The following QRICH2 variants were observed in gnomAD, a reference collection of about 807,000 sequenced individuals.
QRICH2 encodes glutamine rich 2, also known as glutamine-rich protein 2.
A neutral mutation model predicts 168.3 loss-of-function variants in QRICH2; 119 were observed. That is an observed-to-expected ratio of 0.71 (90% CI 0.61 to 0.82). The LOEUF (loss-of-function observed/expected upper bound fraction) is 0.82, where lower values mean the gene tolerates loss of function less well. Among genes scored for constraint, QRICH2 ranks in the 40% least tolerant of loss-of-function variants. The pLI is 0.00. For missense variants in QRICH2, 2,241 were observed against 2,491.6 expected (o/e 0.90, Z 2.14); for synonymous variants, 894 against 951.2 (o/e 0.94, Z 1.11).
rs751669127 is a variant in QRICH2, at chr17:76,279,013, ATGTCCCATATGC to A, written c.4916+16_4916+27del. The stretch of plus-strand genomic sequence containing the variant: ...TCCAGAGCCCTGGCCCCGGACCCAT[ATGTCCCATATGC>A]TGTCCCATAGCATACTTGCGGCTAT... On this transcript the variant is annotated intron_variant, in intron 14 of 18. Coordinates refer to ENST00000680821, the MANE Select transcript of QRICH2 (RefSeq NM_001388453.1). 23 of 1,583,334 alleles carry A rather than the reference ATGTCCCATATGC, an allele frequency of 1.5e-5. No individual in the cohort carries two copies. The highest frequency in any genetic ancestry group is 2.2e-5 in the East Asian group (1 of 44,640).
At chr17:76,283,496 GCTC>G (rs1367094650) in intron 7 of QRICH2, among the ~76,000 whole-genome samples, 5 of 152,204 alleles carry the variant, frequency 3.3e-5, no homozygotes, top group Admixed American at 1.3e-4. Flanking sequence ...GCTCCCAGCT[GCTC>G]CTCAGGCAGG....
intron 1 of QRICH2, among the ~76,000 whole-genome samples, chr17:76,306,179 A>AAC (rs1204803375): frequency 1.3e-5 from 2 of 151,172 alleles, no homozygotes; most frequent in Admixed American, 1.3e-4. Flanking sequence ...AAAAAAAAAA[A>AAC]AAAAAAAAAA....
At chr17:76,278,807 G>A (rs2070735173) in intron 14 of QRICH2, among the ~76,000 whole-genome samples, 1 of 152,260 alleles carries the variant, frequency 6.6e-6, no homozygotes, top group African/African-American at 2.4e-5. Flanking sequence ...AAAAGCAGGT[G>A]TGACTAGGTC....
chr17:76,282,811 A>G (rs1346527472), intron 7 of QRICH2, among the ~76,000 whole-genome samples: 1 of 152,218 alleles, frequency 6.6e-6, no homozygotes, highest in Non-Finnish European at 1.5e-5. Flanking sequence ...TGCTTGGCTC[A>G]AAAAGAGAGG....
chr17:76,310,754 G>C (rs889205894), upstream of QRICH2: 1 of 150,774 alleles, frequency 6.6e-6, no homozygotes, highest in Admixed American at 6.6e-5. Flanking sequence ...ATAGGTGTGA[G>C]CCACCACACC....
intron 5 of QRICH2, 63 bp from the exon 6 acceptor site, chr17:76,287,960 T>C (rs903995241): frequency 1.5e-6 from 2 of 1,317,176 alleles, no homozygotes; most frequent in Admixed American, 1.7e-5. Context: ...AAGTGTGCCC[T>C]TGCATGCAGC....
chr17:76,302,372 C>T (rs933253513), intron 3 of QRICH2, among the ~76,000 whole-genome samples: 8 of 133,162 alleles, frequency 6.0e-5, no homozygotes, highest in African/African-American at 2.2e-4. Context: ...TCTGAAAAAC[C>T]ATTATTTTGG....
intron 7 of QRICH2, among the ~76,000 whole-genome samples, chr17:76,285,960 C>A (rs1014740246): frequency 1.3e-5 from 2 of 152,094 alleles, no homozygotes; most frequent in African/African-American, 4.8e-5. Flanking sequence ...ATCACAAGGT[C>A]AGGAGATTGA....
intron 3 of QRICH2, among the ~76,000 whole-genome samples, chr17:76,303,427 G>A (rs1264354808): frequency 6.6e-6 from 1 of 152,176 alleles, no homozygotes; most frequent in Non-Finnish European, 1.5e-5. Flanking sequence ...GGGATGTCAA[G>A]ACCAAAAGGG....
chr17:76,276,884 G>T, intron 16 of QRICH2, 117 bp from the exon 17 acceptor site: 1 of 826,130 alleles, frequency 1.2e-6, no homozygotes, highest in Non-Finnish European at 1.9e-6. Flanking sequence ...GGGGGCTCTG[G>T]GAGGCACTAG....
chr17:76,291,373 A>C lies in QRICH2; in HGVS notation c.3354T>G (p.Tyr1118Ter). ...SMYPGYRGPG[Y>*]LSADQHGQEG... ...CCTGGCCATGCTGATCAGCACTTAG[A>C]TACCCTGGGCCACGATAACCAGGAT... The change falls in exon 4 of 19, where the codon TAT (tyrosine) becomes TAG (stop). Residue 1118 changes from tyrosine (Y) to a stop codon, truncating the protein, a stop_gained. Coordinates refer to ENST00000680821, the MANE Select transcript of QRICH2 (RefSeq NM_001388453.1). LOFTEE classifies it high-confidence loss of function. 1 of 1,614,070 alleles carries C rather than the reference A, an allele frequency of 6.2e-7. No homozygotes were observed. The highest frequency in any genetic ancestry group is 1.1e-5 in the South Asian group (1 of 91,080).
Position 76,291,479 on chromosome 17 carries a change from G to T in QRICH2, c.3248C>A (p.Pro1083Gln), listed in dbSNP as rs1398391439. Residue 1083 changes from proline to glutamine, a missense_variant, in exon 4 of 19, where the codon CCA becomes CAA. By Grantham distance (76) the Pro-to-Gln change is moderately conservative. This residue lies in a region of QRICH2 where 2,047 missense variants were observed against 2,303.8 expected (regional missense o/e 0.89). Coordinates refer to ENST00000680821, the MANE Select transcript of QRICH2 (RefSeq NM_001388453.1). ...PDQQHVASPG[P>Q]GEHDQVYPDA... ...TGGGTATACCTGGTCATGCTCACCT[G>T]GGCCAGGTGATGCCACATGCTGTTG... is the stretch of plus-strand genomic sequence containing the variant. 1.9e-6 allele frequency: 3 copies of T among 1,614,112 alleles called. No homozygotes were observed. Among genetic ancestry groups the T allele is most frequent in the South Asian group, 2.2e-5 (2 of 91,084 alleles).
chr17:76,305,187 A>G (rs2070973509), intron 1 of QRICH2, among the ~76,000 whole-genome samples: 1 of 123,318 alleles, frequency 8.1e-6, no homozygotes, highest in African/African-American at 4.0e-5. Flanking sequence ...TTTTTGAGAC[A>G]GGGTCTTGCT....
At position 76,292,956 on chromosome 17, in the gene QRICH2, C is replaced by A. The variant is rs1341125985; in HGVS notation, c.1771G>T (p.Val591Phe). ...CCACGCTGATCTGCACCAGGTTGGA[C>A]CAAGCCAGGCTGATATGCACCACGC... is the stretch of plus-strand genomic sequence containing the variant. ...VQRGAYQPGL[V>F]QPGADQRGLV... is the part of the protein sequence containing the mutation. The change falls in exon 4 of 19, where the codon GTC becomes TTC. Residue 591 changes from valine (V) to phenylalanine (F), a missense_variant. Val to Phe is a conservative substitution (Grantham distance 50). Around this residue, in one of 3 missense-constraint regions of QRICH2, gnomAD observed 2,047 missense variants for 2,303.8 expected, o/e 0.89. Coordinates refer to ENST00000680821, the MANE Select transcript of QRICH2 (RefSeq NM_001388453.1). The A allele has an allele frequency of 2.5e-6, 4 of 1,614,044 alleles. No individual in the cohort carries two copies. Among genetic ancestry groups the A allele is most frequent in the Non-Finnish European group, 3.4e-6 (4 of 1,180,040 alleles).
intron 3 of QRICH2, among the ~76,000 whole-genome samples, chr17:76,295,789 C>A (rs1456067524): frequency 8.5e-5 from 13 of 152,120 alleles, no homozygotes; most frequent in Admixed American, 7.2e-4. Context: ...TAAAATAGAT[C>A]ATCAATAAGG....
intron 17 of QRICH2, 48 bp from the exon 18 acceptor site, chr17:76,275,995 G>T (rs1598473932): frequency 1.3e-6 from 2 of 1,590,416 alleles, no homozygotes; most frequent in East Asian, 4.5e-5. Context: ...AGCGGTGAGA[G>T]CTCTGTGGGA....
intron 16 of QRICH2, 111 bp downstream of exon 16, chr17:76,277,052 T>C (rs2070693369): frequency 1.7e-6 from 2 of 1,189,714 alleles, no homozygotes; most frequent in Non-Finnish European, 2.3e-6. Flanking sequence ...GATTAAGGAA[T>C]TGCCTCAAGG....
Position 76,308,199 on chromosome 17 carries a change from C to T in QRICH2, c.-201G>A, listed in dbSNP as rs2143426107. ...TCCCCGGCGGGGTCCGCGATGGCCACCCCTCCGCTGTCTGTCGCTGGCCTC... is the reference window on the plus strand; with the variant it reads ...TCCCCGGCGGGGTCCGCGATGGCCATCCCTCCGCTGTCTGTCGCTGGCCTC... On this transcript the variant is annotated 5_prime_UTR_variant, in exon 1 of 19. It adds an upstream start codon to the 5' untranslated region. Coordinates refer to ENST00000680821, the MANE Select transcript of QRICH2 (RefSeq NM_001388453.1). 2.0e-6 allele frequency: 2 copies of T among 985,440 alleles called. No individual in the cohort carries two copies. The highest frequency in any genetic ancestry group is 2.4e-6 in the Non-Finnish European group (2 of 829,904). The allele number at this position is 985,440 out of a possible 1,614,324, so 61.0% of individuals were successfully genotyped here.
chr17:76,285,719 G>T (rs1598484750), intron 7 of QRICH2, among the ~76,000 whole-genome samples: 1 of 151,926 alleles, frequency 6.6e-6, no homozygotes, highest in African/African-American at 2.4e-5. Flanking sequence ...CATGGTGGCA[G>T]GCACCTGTAA....
Sources: allele counts gnomAD v4.1 joint callset (sites outside exome capture counted in the v4.1 genomes callset), GRCh38; gene constraint gnomAD v4.1.1; regional missense constraint gnomAD v4.1.1; transcripts MANE v1.5; gene names NCBI Gene and HGNC (gene_info 2026-07-23, HGNC 2026-07-21).